The following JAM3 variants were observed in gnomAD, a reference collection of about 807,000 sequenced individuals.
The protein encoded by JAM3 is junctional adhesion molecule 3.
JAM3 carries 31 observed loss-of-function variants against 39.4 expected under a neutral mutation model. The ratio of observed to expected loss-of-function variants is 0.79; its 90% confidence interval spans 0.59 to 1.06. The LOEUF is 1.06. Among genes scored for constraint, JAM3 ranks in the 50% least tolerant of loss-of-function variants. JAM3 has a pLI of 0.00. For synonymous variants in JAM3, 182 were observed against 148.7 expected (o/e 1.22, Z -1.63); for missense variants, 455 against 391.4 (o/e 1.16, Z -1.37).
chr11:134,117,811 C>A (rs912605494), intron 1 of JAM3, among the ~76,000 whole-genome samples: 1 of 152,108 alleles, frequency 6.6e-6, no homozygotes, highest in African/African-American at 2.4e-5. Flanking sequence ...CATTCAGATT[C>A]TGAAGAAGGG....
At chr11:134,136,203 C>T (rs1439899144) in intron 1 of JAM3, among the ~76,000 whole-genome samples, 1 of 152,104 alleles carries the variant, frequency 6.6e-6, no homozygotes, top group African/African-American at 2.4e-5. Flanking sequence ...TTCCGCCTTC[C>T]AAAAAACCCT....
chr11:134,120,431 C>T (rs1391718324), intron 1 of JAM3, among the ~76,000 whole-genome samples: 4 of 152,222 alleles, frequency 2.6e-5, no homozygotes, highest in Non-Finnish European at 5.9e-5. Context: ...AGAGTGGAAA[C>T]ATTTTCTAAA....
chr11:134,078,761 G>A (rs573096870), intron 1 of JAM3, among the ~76,000 whole-genome samples: 1 of 152,122 alleles, frequency 6.6e-6, no homozygotes, highest in Non-Finnish European at 1.5e-5. Flanking sequence ...ATTATGGGCC[G>A]AGCACAGTGG....
At position 134,140,687 on chromosome 11, in the gene JAM3, C is replaced by G. The variant is rs754937928; in HGVS notation, c.173C>G (p.Ser58Trp). ...GAACTGTCTTGCATCATTACGGATT[C>G]GCAGACAAGTGACCCCAGGATCGAG... The part of the protein sequence containing the change: ...SVELSCIITD[S>W]QTSDPRIEWK... The change falls in exon 3 of 9, where the codon TCG (serine) becomes TGG (tryptophan). Residue 58 changes from serine (S) to tryptophan (W), a missense_variant. Coordinates refer to ENST00000299106, the MANE Select transcript of JAM3 (RefSeq NM_032801.5). The G allele has an allele frequency of 6.2e-7, 1 of 1,613,296 alleles. No individual in the cohort carries two copies. Among genetic ancestry groups the G allele is most frequent in the Non-Finnish European group, 8.5e-7 (1 of 1,179,778 alleles).
intron 1 of JAM3, among the ~76,000 whole-genome samples, chr11:134,107,305 G>A (rs1942211408): frequency 6.6e-6 from 1 of 152,066 alleles, no homozygotes; most frequent in Admixed American, 6.6e-5. Context: ...ACACAGGAAG[G>A]GGAACATCAC....
At chr11:134,091,559 G>A (rs1406488136) in intron 1 of JAM3, among the ~76,000 whole-genome samples, 6 of 151,674 alleles carry the variant, frequency 4.0e-5, no homozygotes, top group African/African-American at 7.3e-5. Flanking sequence ...AAGCCCAGAA[G>A]TTAGAGGCTA....
At chr11:134,100,990 T>C (rs1942063500) in intron 1 of JAM3, among the ~76,000 whole-genome samples, 1 of 152,242 alleles carries the variant, frequency 6.6e-6, no homozygotes, top group Non-Finnish European at 1.5e-5. Flanking sequence ...CTTCTTTCAA[T>C]AAACCATTCT....
chr11:134,096,286 G>A (rs571351177), intron 1 of JAM3, among the ~76,000 whole-genome samples: 12 of 152,142 alleles, frequency 7.9e-5, no homozygotes, highest in African/African-American at 1.7e-4. Flanking sequence ...AGGCATTTAT[G>A]TAATGAACTG....
intron 3 of JAM3, among the ~76,000 whole-genome samples, chr11:134,141,887 G>A (rs1942979762): frequency 6.6e-6 from 1 of 152,040 alleles, no homozygotes; most frequent in Admixed American, 6.5e-5. Flanking sequence ...AGTTCTCAGA[G>A]AAGTTGAGAG....
intron 1 of JAM3, among the ~76,000 whole-genome samples, chr11:134,128,904 T>G (rs537881385): frequency 6.6e-6 from 1 of 152,168 alleles, no homozygotes. Context: ...TCTGTATTAG[T>G]TTACTAGGAG....
chr11:134,122,075 A>G (rs866662229), intron 1 of JAM3, among the ~76,000 whole-genome samples: 1 of 152,166 alleles, frequency 6.6e-6, no homozygotes, highest in Non-Finnish European at 1.5e-5. Context: ...AGAAAGCATT[A>G]TTTTGTTTTG....
At chr11:134,119,437 T>C (rs1942495252) in intron 1 of JAM3, among the ~76,000 whole-genome samples, 1 of 152,218 alleles carries the variant, frequency 6.6e-6, no homozygotes, top group Non-Finnish European at 1.5e-5. Flanking sequence ...ATTTTTCTTT[T>C]AAGAAGTGCC....
intron 3 of JAM3, among the ~76,000 whole-genome samples, chr11:134,143,043 G>A (rs1164047927): frequency 1.3e-5 from 2 of 152,148 alleles, no homozygotes; most frequent in Non-Finnish European, 2.9e-5. Context: ...TATCAGTAAT[G>A]CTGCTATCAG....
chr11:134,127,068 C>T (rs1359644860), intron 1 of JAM3, among the ~76,000 whole-genome samples: 2 of 152,196 alleles, frequency 1.3e-5, no homozygotes, highest in Non-Finnish European at 2.9e-5. Flanking sequence ...AAAAACAAAA[C>T]ACCAAAGCGT....
intron 1 of JAM3, among the ~76,000 whole-genome samples, chr11:134,095,567 G>T (rs1941964021): frequency 6.6e-6 from 1 of 151,858 alleles, no homozygotes; most frequent in African/African-American, 2.4e-5. Context: ...GGAGTCGGAG[G>T]TTGTAGTGAG....
chr11:134,102,227 TCCG>T (rs1180836957), intron 1 of JAM3, among the ~76,000 whole-genome samples: 3 of 152,156 alleles, frequency 2.0e-5, no homozygotes, highest in African/African-American at 7.2e-5. Flanking sequence ...TCCTGCAGCC[TCCG>T]CTGCTGATAA....
At chr11:134,101,224 T>A (rs902150928) in intron 1 of JAM3, among the ~76,000 whole-genome samples, 3 of 152,380 alleles carry the variant, frequency 2.0e-5, no homozygotes, top group Non-Finnish European at 2.9e-5. Flanking sequence ...TAATGGCAAA[T>A]TAATGTGTTA....
intron 2 of JAM3, 40 bp downstream of exon 2, chr11:134,139,956 T>TACTGGACATCC (rs762010110): frequency 6.8e-7 from 1 of 1,470,910 alleles, no homozygotes; most frequent in Admixed American, 1.7e-5. Flanking sequence ...GGGCACCATC[T>TACTGGACATCC]ACTGGACATT....
intron 1 of JAM3, among the ~76,000 whole-genome samples, chr11:134,078,068 C>T (rs767404782): frequency 6.6e-6 from 1 of 152,098 alleles, no homozygotes; most frequent in Non-Finnish European, 1.5e-5. Flanking sequence ...CTGCTTTCCT[C>T]TTGCCTACCT....
Sources: gnomAD v4.1 joint callset for allele counts (sites outside exome capture counted in the v4.1 genomes callset) on GRCh38, gnomAD v4.1.1 for gene constraint, MANE v1.5 for transcripts, NCBI Gene and HGNC (gene_info 2026-07-23, HGNC 2026-07-21) for gene names.